The following EPHB2 variants were observed in gnomAD, a reference collection of about 807,000 sequenced individuals.
EPHB2 encodes ephrin type-B receptor 2.
In EPHB2, 18 loss-of-function variants were observed where a neutral mutation model predicts 96.4. The ratio of observed to expected loss-of-function variants is 0.19; its 90% CI spans 0.13 to 0.28. EPHB2 has a LOEUF of 0.28. Among genes scored for constraint, EPHB2 ranks in the 10% least tolerant of loss-of-function variants. The pLI, the probability that EPHB2 is intolerant of heterozygous loss-of-function variation, is 1.00. For missense variants in EPHB2, 989 were observed against 1,355.4 expected, an observed-to-expected ratio of 0.73 and a Z score of 4.25; for synonymous variants, 506 against 534.1, an observed-to-expected ratio of 0.95 and a Z score of 0.72.
At chr1:22,737,673 C>A (rs549615138) in intron 1 of EPHB2, among the ~76,000 whole-genome samples, 8 of 152,300 alleles carry the variant, frequency 5.3e-5, no homozygotes, top group Admixed American at 1.3e-4. Flanking sequence ...GTCTACATCA[C>A]CCTCCCCCAT....
chr1:22,723,572 G>A (rs1340343595), intron 1 of EPHB2, among the ~76,000 whole-genome samples: 7 of 152,260 alleles, frequency 4.6e-5, no homozygotes, highest in East Asian at 1.9e-4. Flanking sequence ...AAAGGGTGAT[G>A]AGGCTGGGCC....
chr1:22,783,019 C>G (rs920754996), intron 2 of EPHB2, among the ~76,000 whole-genome samples: 3 of 152,218 alleles, frequency 2.0e-5, no homozygotes, highest in Non-Finnish European at 4.4e-5. Flanking sequence ...CCCACAGTCA[C>G]ATTTGGCAAC....
chr1:22,743,291 G>T (rs998591430), intron 1 of EPHB2, among the ~76,000 whole-genome samples: 2 of 152,044 alleles, frequency 1.3e-5, no homozygotes, highest in Non-Finnish European at 2.9e-5. Context: ...TGGTGATGCC[G>T]CCCGTACACC....
Position 22,914,089 on chromosome 1 carries a change from C to G in EPHB2, c.*519C>G, listed in dbSNP as rs1026032801. 3 of 566,102 alleles carry G rather than the reference C, an allele frequency of 5.3e-6. No homozygotes were observed. The highest frequency in any genetic ancestry group is 4.8e-4 in the Middle Eastern group (1 of 2,082). The allele number at this position is 566,102 out of a possible 1,614,324, so 35.1% of individuals were successfully genotyped here. A position where few individuals can be genotyped will look rare whatever the true frequency, so the allele number is the denominator to read the frequency against. On this transcript the variant is annotated 3_prime_UTR_variant, in exon 16 of 16. Coordinates refer to ENST00000374630, the MANE Select transcript of EPHB2 (RefSeq NM_017449.5). Reference sequence around the variant, plus strand: ...CTGGAGGACGGGACAGATGGACAGACAGCCACCCTGAGAACCCCTCTGGGA... The same window carrying G: ...CTGGAGGACGGGACAGATGGACAGAGAGCCACCCTGAGAACCCCTCTGGGA...
chr1:22,913,777 GA>G lies in EPHB2; in HGVS notation c.*211del. The G allele has an allele frequency of 6.2e-7, 1 of 1,607,956 alleles. No individual in the cohort carries two copies. The highest frequency in any genetic ancestry group is 8.5e-7 in the Non-Finnish European group (1 of 1,177,018). ...GAAAAAAAAAGGGAATGGGAAAAAA[GA>G]AAACAGATCCTGGGAGGGGGCGGGA... is the stretch of plus-strand genomic sequence containing the variant. On this transcript the variant is annotated 3_prime_UTR_variant, in exon 16 of 16. Transcript: ENST00000374630. This position sits in a 1 kb window ranked among gnomAD's most constrained non-coding sequence, Gnocchi z 4.1.
intron 3 of EPHB2, among the ~76,000 whole-genome samples, chr1:22,787,944 C>T (rs2148429322): frequency 6.6e-6 from 1 of 152,312 alleles, no homozygotes; most frequent in South Asian, 2.1e-4. Context: ...GACTCTGTCC[C>T]TCACCACATG....
rs1640216599 is a variant in EPHB2 at position 22,914,577 on chromosome 1, C to T, written c.*1007C>T. 2 of 152,484 alleles carry T rather than the reference C, an allele frequency of 1.3e-5. No homozygotes were observed. Among genetic ancestry groups the T allele is most frequent in the African/African-American group, 4.8e-5 (2 of 41,422 alleles). 9.4% of individuals were successfully genotyped at this position (152,484 alleles called of 1,614,324 possible). Reference sequence around the variant, plus strand: ...TTTTTTTAATGACAATGAAGTGACACTTTGACATTTCCTACCTTTTGAGGA... The same window carrying T: ...TTTTTTTAATGACAATGAAGTGACATTTTGACATTTCCTACCTTTTGAGGA... On this transcript the variant is annotated 3_prime_UTR_variant, in exon 16 of 16. Coordinates refer to ENST00000374630, the MANE Select transcript of EPHB2 (RefSeq NM_017449.5).
At chr1:22,766,136 C>G (rs1644305135) in intron 1 of EPHB2, among the ~76,000 whole-genome samples, 1 of 152,190 alleles carries the variant, frequency 6.6e-6, no homozygotes, top group African/African-American at 2.4e-5. Flanking sequence ...AGGGGACTCT[C>G]TGAGCTTTGA....
chr1:22,795,368 G>C (rs926547012), intron 3 of EPHB2, among the ~76,000 whole-genome samples: 1 of 152,140 alleles, frequency 6.6e-6, no homozygotes, highest in African/African-American at 2.4e-5. Flanking sequence ...GCTCGCCCAG[G>C]CTCACTCACC....
chr1:22,888,020 T>G (rs993865461), intron 6 of EPHB2, among the ~76,000 whole-genome samples: 1 of 152,050 alleles, frequency 6.6e-6, no homozygotes, highest in Admixed American at 6.6e-5. Context: ...TCTATAATGG[T>G]TTTTTTGTTT....
At chr1:22,782,002 C>G (rs1644539851) in intron 2 of EPHB2, among the ~76,000 whole-genome samples, 1 of 152,140 alleles carries the variant, frequency 6.6e-6, no homozygotes, top group African/African-American at 2.4e-5. Context: ...TGCCCGCTTT[C>G]TGGGTCCCCA....
In EPHB2 at chr1:22,733,324, C is replaced by T. The variant is rs181652465; in HGVS notation, c.61+22281C>T. Among the ~76,000 whole-genome samples, 151 of 152,270 alleles carry T rather than the reference C, an allele frequency of 9.9e-4. No homozygotes were observed. The highest frequency in any genetic ancestry group is 1.8e-3 in the Non-Finnish European group (120 of 68,036). ...TCAGCCTTCCAAAGTGCTGGGATTG[C>T]AGGCGTGAACCACTGTGGCTGGCCC... is the stretch of plus-strand genomic sequence containing the variant. On this transcript the variant is annotated intron_variant, in intron 1 of 15. Transcript: ENST00000374630. This position sits in a 1 kb window ranked among gnomAD's most constrained non-coding sequence, Gnocchi z 4.6.
chr1:22,890,554 C>T (rs1416137562), intron 6 of EPHB2, among the ~76,000 whole-genome samples: 1 of 152,116 alleles, frequency 6.6e-6, no homozygotes, highest in Non-Finnish European at 1.5e-5. Context: ...CCTGTTTGTT[C>T]TTTGAGATCC....
chr1:22,785,049 G>C lies in EPHB2; in HGVS notation c.784G>C (p.Ala262Pro). 1 of 1,613,654 alleles carries C rather than the reference G, an allele frequency of 6.2e-7. No individual in the cohort carries two copies. The highest frequency in any genetic ancestry group is 8.5e-7 in the Non-Finnish European group (1 of 1,180,044). ...GRCMCKAGFE[A>P]VENGTVCRGC... ...CTGCATGTGCAAAGCAGGCTTCGAG[G>C]CCGTTGAGAATGGCACCGTCTGCCG... Residue 262 changes from alanine (A) to proline (P), a missense_variant, in exon 3 of 16, where the codon GCC becomes CCC. Coordinates refer to ENST00000374630, the MANE Select transcript of EPHB2 (RefSeq NM_017449.5).
chr1:22,896,149 T>A (rs1639553503), intron 8 of EPHB2, among the ~76,000 whole-genome samples: 1 of 152,126 alleles, frequency 6.6e-6, no homozygotes, highest in Non-Finnish European at 1.5e-5. Flanking sequence ...CCCTGGGGTT[T>A]CTGGGGCCAG....
At chr1:22,910,618 T>TGC (rs58906622) in intron 14 of EPHB2, 43 bp downstream of exon 14, 1 of 1,605,564 alleles carries the variant, frequency 6.2e-7, no homozygotes, top group African/African-American at 1.3e-5. Context: ...GCCCTGCCCC[T>TGC]CTTCCCGTCT....
chr1:22,731,133 A>G (rs1362214982), intron 1 of EPHB2, among the ~76,000 whole-genome samples: 1 of 152,196 alleles, frequency 6.6e-6, no homozygotes, highest in Non-Finnish European at 1.5e-5. Context: ...GCATGGAAAC[A>G]TATGTCTCTT....
At chr1:22,758,606 C>A (rs554129979) in intron 1 of EPHB2, among the ~76,000 whole-genome samples, 40 of 152,082 alleles carry the variant, frequency 2.6e-4, no homozygotes, top group African/African-American at 9.6e-4. Flanking sequence ...GGGATTCTGG[C>A]TGCCCCCAGA....
At chr1:22,863,259 G>A (rs755653550) in intron 4 of EPHB2, 67 bp downstream of exon 4, 1 of 1,610,504 alleles carries the variant, frequency 6.2e-7, no homozygotes, top group Non-Finnish European at 8.5e-7. Flanking sequence ...GAAAAGCTCA[G>A]AGTGAGGATT....
Sources: allele counts gnomAD v4.1 joint callset (sites outside exome capture counted in the v4.1 genomes callset), GRCh38; gene constraint gnomAD v4.1.1; non-coding constraint Gnocchi (gnomAD v3.1); transcripts MANE v1.5; gene names NCBI Gene and HGNC (gene_info 2026-07-23, HGNC 2026-07-21).